The following ATF7IP variants were observed in gnomAD, a reference collection of about 807,000 sequenced individuals.
The protein encoded by ATF7IP is activating transcription factor 7-interacting protein 1.
In ATF7IP, 23 loss-of-function variants were observed where a neutral mutation model predicts 106.4. The observed-to-expected ratio is 0.22, with a 90% CI of 0.16 to 0.31. The LOEUF (loss-of-function observed/expected upper bound fraction) is 0.31, where lower values mean the gene tolerates loss of function less well. ATF7IP is among the 10% of genes least tolerant of loss of function. The probability of loss-of-function intolerance (pLI) is 1.00; values close to 1 mark genes in which losing one functional copy is unlikely to be tolerated. For missense variants in ATF7IP, 1,334 were observed against 1,524.3 expected, an observed-to-expected ratio of 0.88 and a Z score of 2.08; for synonymous variants, 542 against 539.0, an observed-to-expected ratio of 1.01 and a Z score of -0.08.
At chr12:14,413,875 A>G (rs1941059207) in intron 1 of ATF7IP, among the ~76,000 whole-genome samples, 1 of 152,186 alleles carries the variant, frequency 6.6e-6, no homozygotes, top group Non-Finnish European at 1.5e-5. Context: ...TTAGGAGTCA[A>G]GAATGGAGAA....
chr12:14,387,684 C>T (rs1295439812), intron 1 of ATF7IP, among the ~76,000 whole-genome samples: 1 of 152,068 alleles, frequency 6.6e-6, no homozygotes, highest in Non-Finnish European at 1.5e-5. Context: ...CATAAATTAC[C>T]CCTTAATGAG....
At chr12:14,385,381 C>T in intron 1 of ATF7IP, 7 of 1,533,848 alleles carry the variant, frequency 4.6e-6, no homozygotes, top group Non-Finnish European at 6.1e-6. Flanking sequence ...GGAGACTTGT[C>T]ACATGCATCA....
chr12:14,471,821 A>C (rs1944055770), intron 10 of ATF7IP, among the ~76,000 whole-genome samples: 1 of 152,160 alleles, frequency 6.6e-6, no homozygotes, highest in East Asian at 1.9e-4. Flanking sequence ...TATCAGAACT[A>C]CAATTCAAGA....
At chr12:14,477,282 G>C (rs573400955) in intron 11 of ATF7IP, among the ~76,000 whole-genome samples, 1 of 152,072 alleles carries the variant, frequency 6.6e-6, no homozygotes, top group South Asian at 2.1e-4. Context: ...CAGTAAAGTC[G>C]GTTTTGTTAT....
chr12:14,437,569 C>G (rs1039650246), intron 4 of ATF7IP, among the ~76,000 whole-genome samples: 1 of 152,002 alleles, frequency 6.6e-6, no homozygotes, highest in African/African-American at 2.4e-5. Flanking sequence ...TTGTTGTGGA[C>G]CCATAATGAG....
At chr12:14,485,070 G>C (rs1944555983) in intron 13 of ATF7IP, among the ~76,000 whole-genome samples, 1 of 152,052 alleles carries the variant, frequency 6.6e-6, no homozygotes, top group South Asian at 2.1e-4. Context: ...GTGGGGTCCT[G>C]CCAAAGGCTC....
chr12:14,418,304 G>GA (rs1941308140), intron 1 of ATF7IP, among the ~76,000 whole-genome samples: 1 of 151,966 alleles, frequency 6.6e-6, no homozygotes, highest in Non-Finnish European at 1.5e-5. Flanking sequence ...TCATCCTCAT[G>GA]AAAAAAATAC....
chr12:14,423,733 A>T, intron 1 of ATF7IP, 176 bp from the exon 2 acceptor site: 2 of 642,010 alleles, frequency 3.1e-6, no homozygotes, highest in Non-Finnish European at 4.9e-6. Flanking sequence ...TTGATTTTGT[A>T]TTACACAGAT....
chr12:14,375,808 TAGTC>T (rs1265740591), intron 1 of ATF7IP, among the ~76,000 whole-genome samples: 8 of 152,334 alleles, frequency 5.3e-5, no homozygotes, highest in African/African-American at 9.6e-5. Context: ...GTGAATCAAT[TAGTC>T]AGTCATGAAT....
chr12:14,367,835 ATTTG>A (rs1938370630), intron 1 of ATF7IP, among the ~76,000 whole-genome samples: 1 of 152,226 alleles, frequency 6.6e-6, no homozygotes, highest in African/African-American at 2.4e-5. Context: ...AACACCAACT[ATTTG>A]TTTATTAGTA....
intron 6 of ATF7IP, among the ~76,000 whole-genome samples, chr12:14,453,191 G>A (rs1054517449): frequency 6.6e-6 from 1 of 152,038 alleles, no homozygotes; most frequent in Non-Finnish European, 1.5e-5. Context: ...AGATGTTTTT[G>A]GGTTAACAAT....
intron 1 of ATF7IP, among the ~76,000 whole-genome samples, chr12:14,411,274 A>C (rs11055967): frequency 1 from 152,096 of 152,304 alleles, 75,945 homozygotes; most frequent in Non-Finnish European, 1. Flanking sequence ...TATCCATATC[A>C]TTGCCAATAC....
At chr12:14,493,868 C>T (rs957891413) in intron 13 of ATF7IP, among the ~76,000 whole-genome samples, 1 of 152,042 alleles carries the variant, frequency 6.6e-6, no homozygotes, top group Non-Finnish European at 1.5e-5. Context: ...GCCTCAGTAT[C>T]TTCTTCTGAG....
intron 1 of ATF7IP, among the ~76,000 whole-genome samples, chr12:14,366,614 GC>G (rs1938306042): frequency 6.6e-6 from 1 of 152,070 alleles, no homozygotes; most frequent in Admixed American, 6.5e-5. Flanking sequence ...ATGTTTCTGG[GC>G]ATTTGAATTT....
At chr12:14,481,209 GC>G in intron 13 of ATF7IP, 24 bp downstream of exon 13, 2 of 1,611,220 alleles carry the variant, frequency 1.2e-6, no homozygotes. Context: ...CTTGTATATG[GC>G]CCCAAGATAC....
At chr12:14,401,144 T>C (rs561287123) in intron 1 of ATF7IP, among the ~76,000 whole-genome samples, 2 of 152,336 alleles carry the variant, frequency 1.3e-5, no homozygotes, top group South Asian at 4.1e-4. Context: ...GCTATTTTGA[T>C]AGATTTTCCA....
intron 13 of ATF7IP, among the ~76,000 whole-genome samples, chr12:14,488,639 T>C (rs560725064): frequency 6.6e-6 from 1 of 152,288 alleles, no homozygotes; most frequent in African/African-American, 2.4e-5. Flanking sequence ...ACATTTAGTA[T>C]TAACCATCAC....
chr12:14,470,748 C>A (rs1944011984), intron 10 of ATF7IP, among the ~76,000 whole-genome samples: 1 of 152,090 alleles, frequency 6.6e-6, no homozygotes, highest in Admixed American at 6.6e-5. Context: ...GCTATCATGA[C>A]TATCTTATAA....
intron 1 of ATF7IP, among the ~76,000 whole-genome samples, chr12:14,422,312 TACACACACACACACACACACAC>T (rs59503201): frequency 1.4e-5 from 2 of 142,336 alleles, no homozygotes; most frequent in Middle Eastern, 3.6e-3. Context: ...AAAAAGAGAA[TACACACACACACACACACACAC>T]ACACACACAC....
Sources: gnomAD v4.1 joint callset for allele counts (sites outside exome capture counted in the v4.1 genomes callset) on GRCh38, gnomAD v4.1.1 for gene constraint, MANE v1.5 for transcripts, NCBI Gene and HGNC (gene_info 2026-07-23, HGNC 2026-07-21) for gene names.